Variants in PARD3 observed in about 807,000 individuals in gnomAD.
PARD3 encodes the protein par-3 family cell polarity regulator.
PARD3 carries 75 observed loss-of-function variants against 155.4 expected under a neutral mutation model. The ratio of observed to expected loss-of-function variants is 0.48; its 90% CI spans 0.40 to 0.58. The LOEUF is 0.58. Ranked by LOEUF, PARD3 falls within the 20% of genes least tolerant of loss-of-function variation. The probability of loss-of-function intolerance (pLI) is 0.00; values close to 1 mark genes in which losing one functional copy is unlikely to be tolerated. For missense variants in PARD3, 1,642 were observed against 1,721.7 expected (o/e 0.95, Z 0.82); for synonymous variants, 576 against 610.5 (o/e 0.94, Z 0.83).
intron 14 of PARD3, among the ~76,000 whole-genome samples, chr10:34,353,940 A>C: frequency 6.6e-6 from 1 of 151,572 alleles, no homozygotes; most frequent in East Asian, 1.9e-4. Flanking sequence ...TCTTTGAAGA[A>C]AGAAAAAAGA....
intron 2 of PARD3, among the ~76,000 whole-genome samples, chr10:34,531,694 T>C (rs1432136491): frequency 6.6e-6 from 1 of 152,216 alleles, no homozygotes; most frequent in Non-Finnish European, 1.5e-5. Flanking sequence ...GCAACTGCAG[T>C]AGCTGCAGAC....
At position 34,345,451 on chromosome 10, in the gene PARD3, T is replaced by C. The variant is rs74726280; in HGVS notation, c.2218+2514A>G. 1.6e-5 allele frequency: 16 copies of C among 985,328 alleles called. No individual in the cohort carries two copies. In the African/African-American group the frequency reaches 1.9e-4, roughly 12 times the overall value. 61.0% of individuals were successfully genotyped at this position (985,328 alleles called of 1,614,324 possible). On this transcript the variant is annotated intron_variant, in intron 15 of 24. Coordinates refer to ENST00000374788, the MANE Select transcript of PARD3 (RefSeq NM_001184785.2). ...CCAGAATTTCAATACAAAGTTCCTT[T>C]TGTATCATAGCAGATCATGAAGTAA...
At chr10:34,320,055 C>G (rs922855862) in intron 19 of PARD3, among the ~76,000 whole-genome samples, 1 of 152,098 alleles carries the variant, frequency 6.6e-6, no homozygotes, top group African/African-American at 2.4e-5. Flanking sequence ...ACATGTCTCC[C>G]TCCCATTCTC....
At chr10:34,275,912 T>A (rs1395930955) in intron 21 of PARD3, among the ~76,000 whole-genome samples, 1 of 152,108 alleles carries the variant, frequency 6.6e-6, no homozygotes, top group Non-Finnish European at 1.5e-5. Flanking sequence ...AGATTGTTGT[T>A]CAGCATTCTC....
chr10:34,263,093 T>G (rs6481895), intron 22 of PARD3, among the ~76,000 whole-genome samples: 61,740 of 152,174 alleles, frequency 0.41, 13,642 homozygotes, highest in Middle Eastern at 0.56. Context: ...AACCTGTCTT[T>G]ATTGATTTCA....
At chr10:34,252,020 C>T (rs1055972410) in intron 22 of PARD3, among the ~76,000 whole-genome samples, 3 of 152,052 alleles carry the variant, frequency 2.0e-5, no homozygotes, top group East Asian at 3.9e-4. Context: ...TTGGAGGAGA[C>T]GGATGATAAC....
intron 19 of PARD3, among the ~76,000 whole-genome samples, chr10:34,323,668 T>G (rs1382133030): frequency 6.6e-6 from 1 of 152,260 alleles, no homozygotes; most frequent in African/African-American, 2.4e-5. Flanking sequence ...TCACTTTTAC[T>G]TGACATTCTA....
At chr10:34,378,217 G>A in intron 9 of PARD3, 111 bp from the exon 10 acceptor site, 1 of 758,342 alleles carries the variant, frequency 1.3e-6, no homozygotes, top group Non-Finnish European at 2.1e-6. Context: ...CTTTCACAAT[G>A]GTCCACATTT....
At chr10:34,521,863 A>AAT in intron 2 of PARD3, among the ~76,000 whole-genome samples, 1 of 152,228 alleles carries the variant, frequency 6.6e-6, no homozygotes, top group Non-Finnish European at 1.5e-5. Context: ...GGCTAACAGC[A>AAT]ATGGAGAATC....
chr10:34,506,226 C>T (rs1264929592), intron 3 of PARD3, among the ~76,000 whole-genome samples: 1 of 152,124 alleles, frequency 6.6e-6, no homozygotes, highest in East Asian at 1.9e-4. Context: ...TTTGGAAATG[C>T]CACAGATCTT....
At chr10:34,497,118 T>TG in intron 3 of PARD3, among the ~76,000 whole-genome samples, 1 of 152,264 alleles carries the variant, frequency 6.6e-6, no homozygotes, top group East Asian at 1.9e-4. Flanking sequence ...AGAAGACTAG[T>TG]GAAAAATATC....
At chr10:34,370,826 G>C (rs984604509) in intron 12 of PARD3, among the ~76,000 whole-genome samples, 2 of 150,156 alleles carry the variant, frequency 1.3e-5, no homozygotes, top group African/African-American at 2.5e-5. Context: ...GTGTGTGTGT[G>C]TGTGTGTGTG....
At chr10:34,476,069 A>G (rs1837694815) in intron 3 of PARD3, among the ~76,000 whole-genome samples, 1 of 152,120 alleles carries the variant, frequency 6.6e-6, no homozygotes, top group Non-Finnish European at 1.5e-5. Flanking sequence ...CAGAAGGATC[A>G]CTTGAGCCCA....
intron 22 of PARD3, among the ~76,000 whole-genome samples, chr10:34,187,103 G>A (rs1266264908): frequency 1.3e-5 from 2 of 152,186 alleles, no homozygotes; most frequent in Admixed American, 6.5e-5. Context: ...TTATTGCTAC[G>A]TGAAGTCTTG....
intron 6 of PARD3, among the ~76,000 whole-genome samples, chr10:34,400,376 T>C (rs1843753459): frequency 6.6e-6 from 1 of 152,228 alleles, no homozygotes; most frequent in Non-Finnish European, 1.5e-5. Context: ...TCTTTACTAT[T>C]AATAAAATAA....
intron 17 of PARD3, 191 bp from the exon 18 acceptor site, chr10:34,336,434 C>T: frequency 1.9e-6 from 1 of 530,058 alleles, no homozygotes; most frequent in Non-Finnish European, 3.4e-6. Flanking sequence ...TGCAATATGC[C>T]AGTCATTTCA....
chr10:34,526,077 T>A (rs1589881260), intron 2 of PARD3, among the ~76,000 whole-genome samples: 1 of 67,358 alleles, frequency 1.5e-5, no homozygotes, highest in Non-Finnish European at 2.5e-5. Flanking sequence ...AGAGACTCCG[T>A]ATCAAAAAAA....
At chr10:34,350,973 C>G (rs1838014819) in intron 14 of PARD3, among the ~76,000 whole-genome samples, 1 of 152,200 alleles carries the variant, frequency 6.6e-6, no homozygotes, top group African/African-American at 2.4e-5. Context: ...TTGAACAGGC[C>G]TTTATTTCAT....
intron 2 of PARD3, among the ~76,000 whole-genome samples, chr10:34,542,690 T>C (rs940649827): frequency 2.6e-5 from 4 of 152,200 alleles, no homozygotes; most frequent in East Asian, 1.9e-4. Context: ...TGTTAAAACA[T>C]GGTTACAAAT....
Sources: gnomAD v4.1 joint callset for allele counts (sites outside exome capture counted in the v4.1 genomes callset) on GRCh38, gnomAD v4.1.1 for gene constraint, MANE v1.5 for transcripts, NCBI Gene and HGNC (gene_info 2026-07-23, HGNC 2026-07-21) for gene names.